TMC1: variants seen among roughly 807,000 people sequenced by gnomAD.
TMC1 encodes the protein transmembrane channel-like protein 1.
Under a neutral mutation model 105.8 loss-of-function variants are expected in TMC1, and 84 were observed. The ratio of observed to expected loss-of-function variants is 0.79; its 90% CI spans 0.67 to 0.95. The LOEUF (loss-of-function observed/expected upper bound fraction) is 0.95, where lower values mean the gene tolerates loss of function less well. Among genes scored for constraint, TMC1 ranks in the 40% least tolerant of loss-of-function variants. The pLI is 0.00. For missense variants in TMC1, 817 were observed against 914.1 expected (o/e 0.89, Z 1.37); for synonymous variants, 315 against 311.5 (o/e 1.01, Z -0.12).
At chr9:72,577,763 T>C (rs1824408918) in intron 1 of TMC1, 139 bp from the exon 2 acceptor site, 1 of 152,110 alleles carries the variant, frequency 6.6e-6, no homozygotes, top group African/African-American at 2.4e-5. Flanking sequence ...AGGGGAGTAA[T>C]AGCTTGCTGA....
At chr9:72,769,848 G>A (rs774345026) in intron 12 of TMC1, among the ~76,000 whole-genome samples, 3 of 152,138 alleles carry the variant, frequency 2.0e-5, no homozygotes, top group Non-Finnish European at 4.4e-5. Context: ...TCCCATGAGG[G>A]TTAAATAAAG....
chr9:72,624,979 T>C (rs1349467606), intron 3 of TMC1, among the ~76,000 whole-genome samples: 1 of 152,224 alleles, frequency 6.6e-6, no homozygotes, highest in African/African-American at 2.4e-5. Context: ...TTGGAACTGA[T>C]GACTATTAAG....
At position 72,689,564 on chromosome 9, in the gene TMC1, T is replaced by C. The variant is rs554477405; in HGVS notation, c.64+808T>C. Among the ~76,000 whole-genome samples, 6 of 152,272 alleles carry C rather than the reference T, an allele frequency of 3.9e-5. No individual in the cohort carries two copies. The South Asian group carries it at 1.2e-3, about 32-fold the overall frequency. ...GGGTATTGAAGTTTCCTACTATAATTATATTGCTGTATATTTTCTCTCTTG... is the reference window on the plus strand; with the variant it reads ...GGGTATTGAAGTTTCCTACTATAATCATATTGCTGTATATTTTCTCTCTTG... On this transcript the variant is annotated intron_variant, in intron 6 of 23. Coordinates refer to ENST00000297784, the MANE Select transcript of TMC1 (RefSeq NM_138691.3).
chr9:72,755,233 A>G (rs575313204), intron 12 of TMC1, among the ~76,000 whole-genome samples: 37 of 152,338 alleles, frequency 2.4e-4, no homozygotes, highest in African/African-American at 8.9e-4. Context: ...CTCAGAGTTC[A>G]AAGACTTGAA....
chr9:72,691,022 T>A (rs1344578012), intron 6 of TMC1, among the ~76,000 whole-genome samples: 1 of 152,142 alleles, frequency 6.6e-6, no homozygotes, highest in Admixed American at 6.6e-5. Context: ...TTTATGGTTT[T>A]GCTCTTCTAA....
At chr9:72,626,963 CT>C (rs1825358001) in intron 3 of TMC1, among the ~76,000 whole-genome samples, 1 of 151,704 alleles carries the variant, frequency 6.6e-6, no homozygotes, top group Non-Finnish European at 1.5e-5. Context: ...AGATCATACC[CT>C]GGTGTATTTT....
At chr9:72,523,393 T>A (rs2132051608) in intron 1 of TMC1, among the ~76,000 whole-genome samples, 1 of 152,338 alleles carries the variant, frequency 6.6e-6, no homozygotes, top group South Asian at 2.1e-4. Flanking sequence ...CACACTTTCC[T>A]AACAGCCTAC....
intron 12 of TMC1, among the ~76,000 whole-genome samples, chr9:72,770,006 A>G (rs1032810356): frequency 2.0e-5 from 3 of 152,220 alleles, no homozygotes; most frequent in Admixed American, 2.0e-4. Context: ...GGGAAGAAGC[A>G]GAGATCTTAA....
intron 8 of TMC1, among the ~76,000 whole-genome samples, chr9:72,735,466 CTG>C (rs1201999484): frequency 6.6e-6 from 1 of 152,132 alleles, no homozygotes; most frequent in African/African-American, 2.4e-5. Context: ...GTTCTAAAGA[CTG>C]TTCTTTATTT....
chr9:72,532,092 C>G (rs111280676), intron 1 of TMC1, among the ~76,000 whole-genome samples: 1 of 151,862 alleles, frequency 6.6e-6, no homozygotes, highest in Non-Finnish European at 1.5e-5. Context: ...CCAGCATGCC[C>G]GGCTAATTTT....
intron 8 of TMC1, among the ~76,000 whole-genome samples, chr9:72,720,680 A>G (rs1424933282): frequency 1.3e-5 from 2 of 152,216 alleles, no homozygotes; most frequent in African/African-American, 4.8e-5. Context: ...TCTTGGACAG[A>G]GCAGATGCAA....
rs952619694 is a variant in TMC1, at chr9:72,547,179, C to T, written c.-428+25266C>T. On this transcript the variant is annotated intron_variant, in intron 1 of 23. Transcript: ENST00000297784. ...GCGTGCGCCTGTAATCCCAGCTACT[C>T]AGGAGGATGAGGCAGGAGAGTGGTT... Among the ~76,000 whole-genome samples the T allele has an allele frequency of 3.3e-5, 5 of 151,012 alleles. No individual in the cohort carries two copies. The South Asian group carries it at 1.0e-3, about 32-fold the overall frequency.
intron 5 of TMC1, among the ~76,000 whole-genome samples, chr9:72,675,034 A>G (rs1205232955): frequency 1.3e-5 from 2 of 152,208 alleles, no homozygotes; most frequent in African/African-American, 4.8e-5. Context: ...AAGTATGAAA[A>G]TAAATCCAGG....
intron 1 of TMC1, among the ~76,000 whole-genome samples, chr9:72,522,607 AC>A (rs1823332122): frequency 6.6e-6 from 1 of 152,166 alleles, no homozygotes; most frequent in Non-Finnish European, 1.5e-5. Flanking sequence ...AGTGTCAAAG[AC>A]TGATGGGTGT....
intron 2 of TMC1, among the ~76,000 whole-genome samples, chr9:72,608,748 A>G (rs1035387696): frequency 6.6e-6 from 1 of 152,112 alleles, no homozygotes; most frequent in African/African-American, 2.4e-5. Context: ...AGACATGCCT[A>G]TAATGTTTAT....
intron 18 of TMC1, among the ~76,000 whole-genome samples, chr9:72,809,914 T>C (rs942031362): frequency 2.0e-5 from 3 of 151,898 alleles, no homozygotes; most frequent in Non-Finnish European, 4.4e-5. Context: ...AAATCAATTG[T>C]ATGGCCCTTG....
In TMC1 at chr9:72,572,223, A is replaced by T. The variant is rs574503639; in HGVS notation, c.-427-5679A>T. 4.9e-4 allele frequency among the ~76,000 whole-genome samples: 70 copies of T among 141,980 alleles called. 1 individual carries two copies. The highest frequency in any genetic ancestry group is 1.8e-3 in the African/African-American group (70 of 38,186). 93.1% of individuals were successfully genotyped at this position (141,980 alleles called of 152,430 possible). A position where few individuals can be genotyped will look rare whatever the true frequency, so the allele number is the denominator to read the frequency against. ...TTGATTTTTTTTTTTTTAAACCAGG[A>T]TCTCACTTGGTCACCCAGGCTGGAG... is the stretch of plus-strand genomic sequence containing the variant. On this transcript the variant is annotated intron_variant, in intron 1 of 23. Transcript: ENST00000297784.
chr9:72,804,850 A>C (rs1828543165), intron 17 of TMC1, among the ~76,000 whole-genome samples: 1 of 152,126 alleles, frequency 6.6e-6, no homozygotes, highest in Non-Finnish European at 1.5e-5. Context: ...TATTTTTATT[A>C]TGTGGGGTTT....
intron 4 of TMC1, among the ~76,000 whole-genome samples, chr9:72,638,670 C>T (rs1176513881): frequency 6.6e-6 from 1 of 152,140 alleles, no homozygotes; most frequent in Non-Finnish European, 1.5e-5. Flanking sequence ...AATGCATAAA[C>T]AGCGAGAAAT....
Sources: gnomAD v4.1 joint callset for allele counts (sites outside exome capture counted in the v4.1 genomes callset) on GRCh38, gnomAD v4.1.1 for gene constraint, MANE v1.5 for transcripts, NCBI Gene and HGNC (gene_info 2026-07-23, HGNC 2026-07-21) for gene names.